TNRC18: variants seen among roughly 807,000 people sequenced by gnomAD.
The protein encoded by TNRC18 is trinucleotide repeat containing 18, also known as trinucleotide repeat-containing gene 18 protein.
Under a neutral mutation model 226.7 loss-of-function variants are expected in TNRC18, and 69 were observed. The ratio of observed to expected loss-of-function variants is 0.30; its 90% CI spans 0.25 to 0.37. TNRC18 has a LOEUF of 0.37. Among genes scored for constraint, TNRC18 ranks in the 10% least tolerant of loss-of-function variants. The probability of loss-of-function intolerance (pLI) is 1.00; values close to 1 mark genes in which losing one functional copy is unlikely to be tolerated. For synonymous variants in TNRC18, 2,449 were observed against 1,927.6 expected (o/e 1.27, Z -7.09); for missense variants, 4,754 against 4,256.6 (o/e 1.12, Z -3.25).
intron 18 of TNRC18, among the ~76,000 whole-genome samples, chr7:5,340,525 T>C (rs1472104849): frequency 6.6e-6 from 1 of 151,826 alleles, no homozygotes; most frequent in Non-Finnish European, 1.5e-5. Flanking sequence ...TCATTTGAAG[T>C]CAGGAGTTCG....
rs1372233736 is a variant in TNRC18 at position 5,370,770 on chromosome 7, G to A, written c.3824C>T (p.Pro1275Leu). Residue 1275 changes from proline to leucine, a missense_variant, in exon 11 of 30, where the codon CCC becomes CTC. Coordinates refer to ENST00000430969, the MANE Select transcript of TNRC18 (RefSeq NM_001080495.3). ...PVAVPVVEAV[P>L]EEGLAQVAPS... The stretch of plus-strand genomic sequence containing the variant: ...TGCCACCTGCGCCAGGCCTTCCTCG[G>A]GCACTGCCTCCACCACGGGCACCGC... 4 of 1,603,652 alleles carry A rather than the reference G, an allele frequency of 2.5e-6. No homozygotes were observed. The highest frequency in any genetic ancestry group is 3.4e-6 in the Non-Finnish European group (4 of 1,175,972).
At chr7:5,414,498 C>T (rs573174678) in intron 2 of TNRC18, among the ~76,000 whole-genome samples, 7 of 151,396 alleles carry the variant, frequency 4.6e-5, no homozygotes, top group Non-Finnish European at 1.0e-4. Flanking sequence ...CTGCAAACTC[C>T]GCCTCCCAGG....
intron 9 of TNRC18, 69 bp downstream of exon 9, chr7:5,375,965 G>A: frequency 7.0e-7 from 1 of 1,434,084 alleles, no homozygotes; most frequent in South Asian, 1.3e-5. Context: ...GATTCTGCTG[G>A]CTGACTCGTC....
In TNRC18 at chr7:5,364,513, ACG is replaced by A. The variant is rs1793422730; in HGVS notation, c.4220-1690_4220-1689del. 3.6e-5 allele frequency among the ~76,000 whole-genome samples: 5 copies of A among 139,722 alleles called. No individual in the cohort carries two copies. In the East Asian group the frequency reaches 8.9e-4, roughly 25 times the overall value. The allele number at this position is 139,722 out of a possible 152,430, so 91.7% of individuals were successfully genotyped here. The stretch of plus-strand genomic sequence containing the variant: ...CACACACACACACACACACACACAC[ACG>A]ATCTCAGGCTGGGCACGGTGGCTCA... On this transcript the variant is annotated intron_variant, in intron 11 of 29. Transcript: ENST00000430969.
chr7:5,390,127 G>A (rs1780177636), intron 4 of TNRC18: 1 of 419,952 alleles, frequency 2.4e-6, no homozygotes, highest in South Asian at 7.3e-5. Context: ...ACTTTGGAAA[G>A]CCGAGGTAGG....
Position 5,360,594 on chromosome 7 carries a change from G to A in TNRC18, c.4661+1000C>T, listed in dbSNP as rs556284658. 1.4e-4 allele frequency among the ~76,000 whole-genome samples: 21 copies of A among 152,120 alleles called. No homozygotes were observed. The South Asian group carries it at 4.2e-3, about 30-fold the overall frequency. ...AAAAGCTAACACCTGGCCCGAGGTC[G>A]GTCACACTAAGGGGTGGTGCTGGGA... On this transcript the variant is annotated intron_variant, in intron 14 of 29. Coordinates refer to ENST00000430969, the MANE Select transcript of TNRC18 (RefSeq NM_001080495.3).
Position 5,309,483 on chromosome 7 carries a change from C to T in TNRC18, c.8389-115G>A, listed in dbSNP as rs1345613693. 1 of 853,486 alleles carries T rather than the reference C, an allele frequency of 1.2e-6. No individual in the cohort carries two copies. The highest frequency in any genetic ancestry group is 1.8e-6 in the Non-Finnish European group (1 of 554,890). The allele number at this position is 853,486 out of a possible 1,614,324, so 52.9% of individuals were successfully genotyped here. On this transcript the variant is annotated intron_variant, in intron 27 of 29. Transcript: ENST00000430969. This position sits in a 1 kb window ranked among gnomAD's most constrained non-coding sequence, Gnocchi z 5.7. ...CCTCGGCCTCTAAATCAACCCCTAT[C>T]CAACTGTGGGGAGATGAGGAAGCTC... is the stretch of plus-strand genomic sequence containing the variant.
intron 24 of TNRC18, among the ~76,000 whole-genome samples, chr7:5,317,382 G>A (rs569455791): frequency 5.9e-5 from 9 of 152,236 alleles, no homozygotes; most frequent in African/African-American, 2.2e-4. Flanking sequence ...CTGAGGTCAC[G>A]AGTTCGAGGC....
chr7:5,368,023 G>A (rs1250203166), intron 11 of TNRC18, among the ~76,000 whole-genome samples: 1 of 148,812 alleles, frequency 6.7e-6, no homozygotes, highest in Admixed American at 6.7e-5. Flanking sequence ...TTTTCTTCAA[G>A]GATAACCATC....
intron 2 of TNRC18, among the ~76,000 whole-genome samples, chr7:5,419,654 C>T (rs1257899563): frequency 6.6e-6 from 1 of 152,112 alleles, no homozygotes; most frequent in African/African-American, 2.4e-5. Flanking sequence ...ACGCCCCCAG[C>T]TCCGGAGGGA....
intron 19 of TNRC18, among the ~76,000 whole-genome samples, chr7:5,332,150 C>T (rs1335813117): frequency 6.6e-6 from 1 of 152,064 alleles, no homozygotes; most frequent in African/African-American, 2.4e-5. Context: ...CTGTAAGATA[C>T]GGGTGGTCAA....
At chr7:5,323,854 C>T (rs1159290135) in intron 21 of TNRC18, among the ~76,000 whole-genome samples, 2 of 152,156 alleles carry the variant, frequency 1.3e-5, no homozygotes, top group African/African-American at 4.8e-5. Flanking sequence ...AGGCATGGGC[C>T]ACCACGCTCG....
At chr7:5,365,024 TG>T (rs869033041) in intron 11 of TNRC18, among the ~76,000 whole-genome samples, 5 of 138,580 alleles carry the variant, frequency 3.6e-5, no homozygotes, top group South Asian at 4.7e-4. Flanking sequence ...CAGAATCATG[TG>T]GGGGGGCGGG....
At position 5,377,346 on chromosome 7, in the gene TNRC18, G is replaced by GA; in HGVS notation, c.2461+24dup. 1 of 1,505,076 alleles carries GA rather than the reference G, an allele frequency of 6.6e-7. No individual in the cohort carries two copies. Among genetic ancestry groups the GA allele is most frequent in the Non-Finnish European group, 8.9e-7 (1 of 1,119,082 alleles). 93.2% of individuals were successfully genotyped at this position (1,505,076 alleles called of 1,614,324 possible). ...CTCCCACCCCTCCCTCAGAGAAGGG[G>GA]AGAGACCCTGTGCCCCACACTCACC... is the stretch of plus-strand genomic sequence containing the variant. On this transcript the variant is annotated intron_variant, in intron 7 of 29. Transcript: ENST00000430969. This position sits in a 1 kb window ranked among gnomAD's most constrained non-coding sequence, Gnocchi z 5.8.
rs1382374031 is a variant in TNRC18, at chr7:5,309,176, G to A, written c.8581C>T (p.His2861Tyr). Residue 2861 changes from histidine to tyrosine, a missense_variant, in exon 28 of 30, where the codon CAC becomes TAC. Transcript: ENST00000430969. This position sits in a 1 kb window ranked among gnomAD's most constrained non-coding sequence, Gnocchi z 5.7. Reference sequence around the variant, plus strand: ...TTGCCCGGGCTGGTCTCCTCGGGGTGGTAGAACCACTTGACGCGGACCACC... The same window carrying A: ...TTGCCCGGGCTGGTCTCCTCGGGGTAGTAGAACCACTTGACGCGGACCACC... ...NMVVRVKWFY[H>Y]PEETSPGKQF... The A allele has an allele frequency of 6.2e-7, 1 of 1,612,818 alleles. No homozygotes were observed. Among genetic ancestry groups the A allele is most frequent in the East Asian group, 2.2e-5 (1 of 44,868 alleles).
intron 19 of TNRC18, among the ~76,000 whole-genome samples, chr7:5,327,372 CGT>C (rs5882054): frequency 0.33 from 46,520 of 142,560 alleles, 7,003 homozygotes; most frequent in Middle Eastern, 0.4. Flanking sequence ...TGTGTTTGTG[CGT>C]GTGTGTGTGT....
At chr7:5,367,827 G>T (rs1793758955) in intron 11 of TNRC18, among the ~76,000 whole-genome samples, 1 of 152,080 alleles carries the variant, frequency 6.6e-6, no homozygotes, top group South Asian at 2.1e-4. Flanking sequence ...TAGGACAAGT[G>T]CCTCCCAGTG....
rs763827903 is a variant in TNRC18 at position 5,361,695 on chromosome 7, G to A, written c.4560C>T (p.Ser1520=). ...SEDRREEPHR[S]LARRGPGRPR... ...GCCTGCCAGGGCCTCTGCGTGCCAAGCTTCTATGGGGTTCCTCGCGCCTGT... is the reference window on the plus strand; with the variant it reads ...GCCTGCCAGGGCCTCTGCGTGCCAAACTTCTATGGGGTTCCTCGCGCCTGT... Residue 1520 remains serine, a synonymous_variant, in exon 14 of 30, where the codon AGC becomes AGT. Coordinates refer to ENST00000430969, the MANE Select transcript of TNRC18 (RefSeq NM_001080495.3). 3.2e-6 allele frequency: 5 copies of A among 1,567,106 alleles called. No individual in the cohort carries two copies. In the Admixed American group the frequency reaches 9.3e-5, roughly 29 times the overall value.
chr7:5,377,755 G>A lies in TNRC18; in HGVS notation c.2255+167C>T, dbSNP rs1486826093. 6.6e-6 allele frequency among the ~76,000 whole-genome samples: 1 copy of A among 152,180 alleles called. No individual in the cohort carries two copies. The highest frequency in any genetic ancestry group is 1.5e-5 in the Non-Finnish European group (1 of 68,014). ...CACTGTAGGGGCAGTGGGGCCACCT[G>A]GCCTGGGCAGGGCTGGCCCGATGCT... On this transcript the variant is annotated intron_variant, in intron 6 of 29. Transcript: ENST00000430969. The surrounding 1 kb of genome is among the most constrained non-coding windows in gnomAD (Gnocchi z 5.8).
Sources: gnomAD v4.1 joint callset for allele counts (sites outside exome capture counted in the v4.1 genomes callset) on GRCh38, gnomAD v4.1.1 for gene constraint, Gnocchi (gnomAD v3.1) non-coding constraint, MANE v1.5 for transcripts, NCBI Gene and HGNC (gene_info 2026-07-23, HGNC 2026-07-21) for gene names.